Variants in IL1R1 observed in about 807,000 individuals in gnomAD.
IL1R1 encodes interleukin 1 receptor type 1, also known as interleukin-1 receptor type 1.
In IL1R1, 22 loss-of-function variants were observed where a neutral mutation model predicts 50.2. The ratio of observed to expected loss-of-function variants is 0.44; its 90% CI spans 0.31 to 0.63. The LOEUF (loss-of-function observed/expected upper bound fraction) is 0.63, where lower values mean the gene tolerates loss of function less well. IL1R1 is among the 20% of genes least tolerant of loss of function. The pLI, the probability that IL1R1 is intolerant of heterozygous loss-of-function variation, is 0.07. For missense variants in IL1R1, 509 were observed against 676.2 expected (o/e 0.75, Z 2.74); for synonymous variants, 251 against 236.7 (o/e 1.06, Z -0.55).
intron 1 of IL1R1, among the ~76,000 whole-genome samples, chr2:102,074,526 T>G (rs577384623): frequency 4.6e-5 from 7 of 150,986 alleles, no homozygotes; most frequent in Admixed American, 2.0e-4. Context: ...GTTCAACCTT[T>G]GTGAGATGCT....
chr2:102,094,553 G>T (rs1418574418), intron 1 of IL1R1, among the ~76,000 whole-genome samples: 2 of 152,150 alleles, frequency 1.3e-5, no homozygotes, highest in African/African-American at 2.4e-5. Context: ...TGAAACGGTT[G>T]AAAGGAAAAC....
At chr2:102,087,806 CT>C (rs1468291384) in intron 1 of IL1R1, among the ~76,000 whole-genome samples, 1 of 97,444 alleles carries the variant, frequency 1.0e-5, no homozygotes, top group East Asian at 8.0e-4. Flanking sequence ...TTACTCAGTT[CT>C]TTCTTTATAG....
rs200335414 is a variant in IL1R1 at position 102,172,694 on chromosome 2, A to T, written c.847A>T (p.Asn283Tyr). 3 of 1,602,788 alleles carry T rather than the reference A, an allele frequency of 1.9e-6. No homozygotes were observed. Among genetic ancestry groups the T allele is most frequent in the Non-Finnish European group, 2.6e-6 (3 of 1,175,344 alleles). The change falls in exon 9 of 12, where the codon AAT becomes TAT. Residue 283 changes from asparagine to tyrosine, a missense_variant. Physicochemically the swap from Asn to Tyr is moderately radical, Grantham distance 143. Coordinates refer to ENST00000410023, the MANE Select transcript of IL1R1 (RefSeq NM_000877.4). ...VLGEDYYSVENPANKRRSTLI... is the reference protein window; with the variant it reads ...VLGEDYYSVEYPANKRRSTLI... The stretch of plus-strand genomic sequence containing the variant: ...ACTCTCTCTCTCGAATAGTGTGGAA[A>T]ATCCTGCAAACAAAAGAAGGAGTAC...
upstream of IL1R1, among the ~76,000 whole-genome samples, chr2:102,101,968 TGTGTGGGTGC>T (rs371044487): frequency 0.014 from 2,151 of 152,228 alleles, 54 homozygotes; most frequent in South Asian, 0.12. Flanking sequence ...CAAAAGCGTG[TGTGTGGGTGC>T]GTGTGGGTGC....
At chr2:102,103,208 C>A (rs559772643), upstream of IL1R1, among the ~76,000 whole-genome samples, 26 of 152,210 alleles carry the variant, frequency 1.7e-4, 1 homozygote, top group South Asian at 5.2e-3. Flanking sequence ...GAATGCCTGG[C>A]ACCTGTAAGT....
chr2:102,090,150 AT>A lies in IL1R1; in HGVS notation c.-84+19633del, dbSNP rs985139200. Among the ~76,000 whole-genome samples the A allele has an allele frequency of 7.8e-3, 1,034 of 133,110 alleles. 5 individuals carry two copies. The highest frequency in any genetic ancestry group is 0.012 in the African/African-American group (424 of 36,134). The allele number at this position is 133,110 out of a possible 152,430, so 87.3% of individuals were successfully genotyped here. ...CGCCCAGCCTATCCTTTTTTTTTCA[AT>A]TTTTTTTTTTTTTTTGTAATTTGGC... On this transcript the variant is annotated intron_variant, in intron 1 of 11. Coordinates refer to the IL1R1 transcript ENST00000409929.
chr2:102,171,062 A>AT lies in IL1R1; in HGVS notation c.722-734dup, dbSNP rs200849581. Among the ~76,000 whole-genome samples, 31 of 152,336 alleles carry AT rather than the reference A, an allele frequency of 2.0e-4. No individual in the cohort carries two copies. In the East Asian group the frequency reaches 5.0e-3, roughly 25 times the overall value. ...GAGTGACAGAGCGAGACTGTGTCTC[A>AT]TTTTTAAAAATGGAATTAAATAATG... On this transcript the variant is annotated intron_variant, in intron 7 of 11. Coordinates refer to ENST00000410023, the MANE Select transcript of IL1R1 (RefSeq NM_000877.4).
At chr2:102,154,119 T>C (rs1683949159) in intron 2 of IL1R1, 102 bp downstream of exon 2, 1 of 152,358 alleles carries the variant, frequency 6.6e-6, no homozygotes, top group African/African-American at 2.4e-5. Context: ...TATCTCCCAT[T>C]GTATGCAAAA....
At position 102,172,671 on chromosome 2, in the gene IL1R1, T is replaced by G. The variant is rs1175924586; in HGVS notation, c.840-16T>G. 1 of 1,569,272 alleles carries G rather than the reference T, an allele frequency of 6.4e-7. No individual in the cohort carries two copies. On this transcript the variant is annotated splice_polypyrimidine_tract_variant and intron_variant, in intron 8 of 11. Transcript: ENST00000410023. ...AATTAACTTACACAAGTTTATTTACTCTCTCTCTCGAATAGTGTGGAAAAT... is the reference window on the plus strand; with the variant it reads ...AATTAACTTACACAAGTTTATTTACGCTCTCTCTCGAATAGTGTGGAAAAT...
In IL1R1 at chr2:102,108,261, A is replaced by G. The variant is rs114743554; in HGVS notation, c.-84+3389A>G. ...GTGTGTGGGGGGGGGTGTGTATAAC[A>G]TATTTCTATGCTTCTTGGTTCTTAG... On this transcript the variant is annotated intron_variant, in intron 1 of 10. Coordinates refer to the IL1R1 transcript ENST00000409329. 3.0e-3 allele frequency among the ~76,000 whole-genome samples: 458 copies of G among 151,710 alleles called. 1 individual carries two copies. Among genetic ancestry groups the G allele is most frequent in the African/African-American group, 0.011 (437 of 41,316 alleles).
intron 1 of IL1R1, among the ~76,000 whole-genome samples, chr2:102,072,014 TG>T (rs1678742633): frequency 6.6e-6 from 1 of 152,116 alleles, no homozygotes; most frequent in African/African-American, 2.4e-5. Flanking sequence ...CCCAGCACTT[TG>T]GGAGGCCGAA....
chr2:102,073,943 A>G (rs1189773512), intron 1 of IL1R1, among the ~76,000 whole-genome samples: 3 of 152,150 alleles, frequency 2.0e-5, no homozygotes, highest in African/African-American at 7.2e-5. Flanking sequence ...GGAGGAGCAA[A>G]CAGGTCGAGG....
intron 1 of IL1R1, among the ~76,000 whole-genome samples, chr2:102,107,280 G>A (rs909427215): frequency 5.3e-5 from 8 of 152,046 alleles, no homozygotes; most frequent in African/African-American, 1.9e-4. Context: ...AAGAAAATGT[G>A]GCACATATAC....
At chr2:102,121,780 C>T (rs1331716010) in intron 1 of IL1R1, among the ~76,000 whole-genome samples, 1 of 152,112 alleles carries the variant, frequency 6.6e-6, no homozygotes, top group Admixed American at 6.5e-5. Flanking sequence ...ATAGTAGGTC[C>T]TAGTTATTTG....
At chr2:102,109,972 T>C (rs1362576156) in intron 1 of IL1R1, among the ~76,000 whole-genome samples, 1 of 152,224 alleles carries the variant, frequency 6.6e-6, no homozygotes, top group Non-Finnish European at 1.5e-5. Context: ...AATTTTACTT[T>C]TTTTGGTTAA....
chr2:102,163,540 T>G (rs973063364), intron 3 of IL1R1, among the ~76,000 whole-genome samples: 2 of 152,182 alleles, frequency 1.3e-5, no homozygotes, highest in Non-Finnish European at 2.9e-5. Context: ...ACATTATTGT[T>G]TTCATCTCTA....
chr2:102,172,780 C>T lies in IL1R1; in HGVS notation c.933C>T (p.Thr311=). 3 of 1,611,438 alleles carry T rather than the reference C, an allele frequency of 1.9e-6. No individual in the cohort carries two copies. Among genetic ancestry groups the T allele is most frequent in the Non-Finnish European group, 2.5e-6 (3 of 1,177,738 alleles). ...IESRFYKHPF[T]CFAKNTHGID... ...GTAGATTTTATAAACATCCATTTAC[C>T]TGTTTTGCCAAGAATACACATGGTA... The change falls in exon 9 of 12, where the codon ACC becomes ACT. Residue 311 remains threonine (T), a synonymous_variant. Transcript: ENST00000410023.
intron 1 of IL1R1, among the ~76,000 whole-genome samples, chr2:102,110,102 C>T (rs1054124821): frequency 1.3e-5 from 2 of 152,148 alleles, no homozygotes; most frequent in African/African-American, 4.8e-5. Flanking sequence ...TCCCTTTCTG[C>T]AGACGCTTCT....
chr2:102,164,839 C>T lies in IL1R1; in HGVS notation c.127C>T (p.Pro43Ser). Residue 43 changes from proline (P) to serine (S), a missense_variant, in exon 4 of 12, where the codon CCC (proline) becomes TCC (serine). Coordinates refer to ENST00000410023, the MANE Select transcript of IL1R1 (RefSeq NM_000877.4). ...VSSANEIDVR[P>S]CPLNPNEHKG... Reference sequence around the variant, plus strand: ...ATCTGCAAATGAAATTGATGTTCGTCCCTGTCCTCTTAACCCAAATGAACA... The same window carrying T: ...ATCTGCAAATGAAATTGATGTTCGTTCCTGTCCTCTTAACCCAAATGAACA... 1 of 1,614,016 alleles carries T rather than the reference C, an allele frequency of 6.2e-7. No homozygotes were observed. The highest frequency in any genetic ancestry group is 1.1e-5 in the South Asian group (1 of 91,084).
Sources: allele counts gnomAD v4.1 joint callset (sites outside exome capture counted in the v4.1 genomes callset), GRCh38; gene constraint gnomAD v4.1.1; transcripts MANE v1.5; gene names NCBI Gene and HGNC (gene_info 2026-07-23, HGNC 2026-07-21).